The following PACRG variants were observed in gnomAD, a reference collection of about 807,000 sequenced individuals.
PACRG encodes parkin coregulated.
A neutral mutation model predicts 29.7 loss-of-function variants in PACRG; 29 were observed. The observed-to-expected ratio is 0.98, with a 90% CI of 0.73 to 1.33. PACRG has a LOEUF of 1.33. PACRG is among the 40% of genes most tolerant of loss of function. The pLI, the probability that PACRG is intolerant of heterozygous loss-of-function variation, is 0.00. For missense variants in PACRG, 279 were observed against 316.2 expected, an observed-to-expected ratio of 0.88 and a Z score of 0.89; for synonymous variants, 116 against 118.7, an observed-to-expected ratio of 0.98 and a Z score of 0.15.
chr6:163,114,358 C>T (rs367586653), intron 4 of PACRG, among the ~76,000 whole-genome samples: 8 of 152,136 alleles, frequency 5.3e-5, no homozygotes, highest in African/African-American at 1.7e-4. Context: ...AAATTGGAGT[C>T]TTATAACATT....
chr6:163,250,772 T>G lies in PACRG; in HGVS notation c.614-64055T>G, dbSNP rs1189785396. Among the ~76,000 whole-genome samples, 5 of 152,114 alleles carry G rather than the reference T, an allele frequency of 3.3e-5. No homozygotes were observed. In the East Asian group the frequency reaches 9.7e-4, roughly 29 times the overall value. ...TTTATGTTTATAGCACAATTTATAT[T>G]TATTTTATAGCACAATTTATATTTA... On this transcript the variant is annotated intron_variant, in intron 4 of 4. Transcript: ENST00000366888.
intron 2 of PACRG, among the ~76,000 whole-genome samples, chr6:162,851,998 AG>A (rs1239476406): frequency 3.3e-4 from 28 of 85,942 alleles, no homozygotes; most frequent in Non-Finnish European, 4.8e-4. Flanking sequence ...GGAGGGAGGG[AG>A]GGAGGGAGGA....
At chr6:163,081,774 G>A (rs967074030) in intron 3 of PACRG, among the ~76,000 whole-genome samples, 1 of 151,884 alleles carries the variant, frequency 6.6e-6, no homozygotes, top group East Asian at 1.9e-4. Context: ...AAGTGGGGGG[G>A]AGTAAATGCC....
intron 1 of PACRG, among the ~76,000 whole-genome samples, chr6:162,746,483 T>A (rs185239579): frequency 1.6e-4 from 25 of 152,358 alleles, no homozygotes; most frequent in African/African-American, 4.8e-5. Flanking sequence ...TGCCTCTGTT[T>A]ATGGTTTATT....
At chr6:163,082,661 A>G (rs1813192559) in intron 3 of PACRG, among the ~76,000 whole-genome samples, 1 of 152,172 alleles carries the variant, frequency 6.6e-6, no homozygotes, top group Non-Finnish European at 1.5e-5. Context: ...TTTACATTCT[A>G]TTTTATAAAA....
In PACRG at chr6:162,831,835, A is replaced by G. The variant is rs1788796949; in HGVS notation, c.291+17554A>G. On this transcript the variant is annotated intron_variant, in intron 2 of 4. Coordinates refer to ENST00000366888, the MANE Select transcript of PACRG (RefSeq NM_001080379.2). ...CATCCATGTTCCTGCAAAGGACGTA[A>G]TCTTGCTCCTTTTTATGGCTGCATA... is the stretch of plus-strand genomic sequence containing the variant. 1.3e-5 allele frequency among the ~76,000 whole-genome samples: 2 copies of G among 152,148 alleles called. 1 individual carries two copies. Among genetic ancestry groups the G allele is most frequent in the South Asian group, 4.1e-4 (2 of 4,828 alleles).
rs112279847 is a variant in PACRG, at chr6:163,015,790, G to A, written c.292-46360G>A. ...CAAGGTATAGAAAACCACAAAGAGC[G>A]AAAGTTTGACTTCCTTCCCTATTTG... On this transcript the variant is annotated intron_variant, in intron 2 of 4. Transcript: ENST00000366888. 6.8e-3 allele frequency among the ~76,000 whole-genome samples: 1,042 copies of A among 152,198 alleles called. 14 individuals carry two copies. Among genetic ancestry groups the A allele is most frequent in the African/African-American group, 0.024 (979 of 41,536 alleles).
chr6:163,213,119 C>G (rs765519737), intron 4 of PACRG, among the ~76,000 whole-genome samples: 39 of 152,118 alleles, frequency 2.6e-4, no homozygotes, highest in Admixed American at 1.4e-3. Flanking sequence ...GTTAACATGG[C>G]TATGAAATGG....
chr6:163,269,935 G>GA (rs1239513842), intron 4 of PACRG, among the ~76,000 whole-genome samples: 218 of 14,944 alleles, frequency 0.015, 4 homozygotes, highest in Non-Finnish European at 0.018. Context: ...AGAAAACAAA[G>GA]AAAGAAAGAA....
At chr6:162,931,380 TATAAAAAAA>T (rs768316420) in intron 2 of PACRG, among the ~76,000 whole-genome samples, 15 of 80,818 alleles carry the variant, frequency 1.9e-4, no homozygotes, top group Non-Finnish European at 2.8e-4. Context: ...TGATGTCATA[TATAAAAAAA>T]AATTTGCCTA....
chr6:162,771,345 C>A (rs182796922), intron 1 of PACRG, among the ~76,000 whole-genome samples: 99 of 152,260 alleles, frequency 6.5e-4, no homozygotes, highest in African/African-American at 2.2e-3. Context: ...TAGATAAACA[C>A]CCACATCAGT....
chr6:163,048,620 C>T (rs995637859), intron 2 of PACRG, among the ~76,000 whole-genome samples: 1 of 151,992 alleles, frequency 6.6e-6, no homozygotes, highest in East Asian at 1.9e-4. Flanking sequence ...TTCCTCTTTT[C>T]GATTCTTAAA....
At chr6:162,972,217 T>G (rs1228814023) in intron 2 of PACRG, among the ~76,000 whole-genome samples, 2 of 152,188 alleles carry the variant, frequency 1.3e-5, no homozygotes, top group Non-Finnish European at 1.5e-5. Flanking sequence ...TTTGAGATGT[T>G]TTCCACCCTG....
chr6:163,251,410 C>T (rs979259808), intron 4 of PACRG, among the ~76,000 whole-genome samples: 5 of 152,272 alleles, frequency 3.3e-5, no homozygotes, highest in African/African-American at 1.2e-4. Flanking sequence ...GAGAACACGT[C>T]GGGGACTTCC....
chr6:162,980,899 A>G (rs1311563480), intron 2 of PACRG, among the ~76,000 whole-genome samples: 1 of 151,656 alleles, frequency 6.6e-6, no homozygotes, highest in East Asian at 1.9e-4. Context: ...CTTTTTTTTT[A>G]TTTCAATAAT....
chr6:163,044,085 A>G (rs1208760216), intron 2 of PACRG, among the ~76,000 whole-genome samples: 1 of 152,180 alleles, frequency 6.6e-6, no homozygotes, highest in East Asian at 1.9e-4. Flanking sequence ...AGAATCACGC[A>G]AGATAACAGG....
rs74338252 is a variant in PACRG, at chr6:163,290,953, C to G, written c.614-23874C>G. ...CTCTTTGCCCCTCTGCTTTCCTGGTCAAAGGTTCGTAAGCAAACGGTTTCT... is the reference window on the plus strand; with the variant it reads ...CTCTTTGCCCCTCTGCTTTCCTGGTGAAAGGTTCGTAAGCAAACGGTTTCT... On this transcript the variant is annotated intron_variant, in intron 4 of 4. Coordinates refer to ENST00000366888, the MANE Select transcript of PACRG (RefSeq NM_001080379.2). Among the ~76,000 whole-genome samples the G allele has an allele frequency of 9.9e-3, 1,509 of 152,240 alleles. 25 individuals are homozygous for G. Among genetic ancestry groups the G allele is most frequent in the African/African-American group, 0.034 (1,402 of 41,530 alleles).
intron 2 of PACRG, among the ~76,000 whole-genome samples, chr6:162,908,659 A>G (rs1419640716): frequency 6.6e-6 from 1 of 152,198 alleles, no homozygotes; most frequent in Non-Finnish European, 1.5e-5. Flanking sequence ...TAGCTGGCAG[A>G]AATGAGCTGA....
chr6:163,077,859 C>T (rs868763922), intron 3 of PACRG, among the ~76,000 whole-genome samples: 5 of 152,108 alleles, frequency 3.3e-5, no homozygotes, highest in Non-Finnish European at 5.9e-5. Flanking sequence ...CATCAGGCCT[C>T]GCCCTGTATG....
Sources: allele counts gnomAD v4.1 joint callset (sites outside exome capture counted in the v4.1 genomes callset), GRCh38; gene constraint gnomAD v4.1.1; transcripts MANE v1.5; gene names NCBI Gene and HGNC (gene_info 2026-07-23, HGNC 2026-07-21).